The following CALCR variants were observed in gnomAD, a reference collection of about 807,000 sequenced individuals.
CALCR encodes calcitonin receptor.
A neutral mutation model predicts 59.5 loss-of-function variants in CALCR; 47 were observed. The observed-to-expected ratio is 0.79, with a 90% CI of 0.63 to 1.01. CALCR has a LOEUF of 1.01. Among genes scored for constraint, CALCR ranks in the 50% least tolerant of loss-of-function variants. The pLI, the probability that CALCR is intolerant of heterozygous loss-of-function variation, is 0.00. For missense variants in CALCR, 566 were observed against 597.1 expected, an observed-to-expected ratio of 0.95 and a Z score of 0.54; for synonymous variants, 213 against 211.3, an observed-to-expected ratio of 1.01 and a Z score of -0.07.
At chr7:93,456,856 C>A (rs189294745) in intron 8 of CALCR, among the ~76,000 whole-genome samples, 73 of 152,240 alleles carry the variant, frequency 4.8e-4, no homozygotes, top group African/African-American at 1.7e-3. Context: ...CCTCTATACA[C>A]AGAAGAAAGT....
In CALCR at chr7:93,481,384, T is replaced by C. The variant is rs1302265030; in HGVS notation, c.52-1877A>G. On this transcript the variant is annotated intron_variant, in intron 3 of 13. Transcript: ENST00000426151. ...CCTGGCTGGACTAGATCAGTCCATG[T>C]TGGAACAAGAAAGTACCACTCTTAG... Among the ~76,000 whole-genome samples the C allele has an allele frequency of 2.0e-5, 3 of 151,710 alleles. No individual in the cohort carries two copies. The East Asian group carries it at 5.9e-4, about 30-fold the overall frequency.
At chr7:93,446,757 G>A (rs1800013958) in intron 8 of CALCR, among the ~76,000 whole-genome samples, 1 of 151,974 alleles carries the variant, frequency 6.6e-6, no homozygotes, top group Non-Finnish European at 1.5e-5. Context: ...ACTCAGATCA[G>A]ATCAAATAAG....
chr7:93,538,997 A>ATTC (rs1159558651), intron 2 of CALCR, among the ~76,000 whole-genome samples: 1 of 152,118 alleles, frequency 6.6e-6, no homozygotes, highest in Non-Finnish European at 1.5e-5. Flanking sequence ...ATTCCACTCT[A>ATTC]TTCTTCTTCC....
chr7:93,565,942 T>C lies in CALCR; in HGVS notation c.-27+8347A>G, dbSNP rs575012574. Among the ~76,000 whole-genome samples, 5 of 152,334 alleles carry C rather than the reference T, an allele frequency of 3.3e-5. No individual in the cohort carries two copies. The South Asian group carries it at 1.0e-3, about 32-fold the overall frequency. On this transcript the variant is annotated intron_variant, in intron 2 of 13. Transcript: ENST00000426151. Reference sequence around the variant, plus strand: ...TAATTAATGGATGAGTCAAGTCAATTTAAAATTTAAATTTGGCAGCAGTAC... The same window carrying C: ...TAATTAATGGATGAGTCAAGTCAATCTAAAATTTAAATTTGGCAGCAGTAC...
At chr7:93,435,288 T>C (rs1799747401) in intron 12 of CALCR, among the ~76,000 whole-genome samples, 1 of 152,168 alleles carries the variant, frequency 6.6e-6, no homozygotes, top group Non-Finnish European at 1.5e-5. Context: ...ATGGACAGCC[T>C]TGTGCAAATT....
intron 2 of CALCR, among the ~76,000 whole-genome samples, chr7:93,526,061 A>T (rs1801870770): frequency 6.6e-6 from 1 of 152,204 alleles, no homozygotes; most frequent in Non-Finnish European, 1.5e-5. Context: ...ATATTGCAAG[A>T]CTTCTCAATA....
chr7:93,477,577 A>C lies in CALCR; in HGVS notation c.297T>G (p.Phe99Leu). 1 of 1,609,852 alleles carries C rather than the reference A, an allele frequency of 6.2e-7. No homozygotes were observed. The highest frequency in any genetic ancestry group is 8.5e-7 in the Non-Finnish European group (1 of 1,177,134). ...VLSYQFCPDY[F>L]PDFDPSEKVT... The stretch of plus-strand genomic sequence containing the variant: ...CTCTACCTGATGGATCAAAATCCGG[A>C]AAATAATCTGGGCAGAACTGATAGG... The change falls in exon 5 of 14, where the codon TTT becomes TTG. Residue 99 changes from phenylalanine to leucine, a missense_variant. Physicochemically the swap from Phe to Leu is conservative, Grantham distance 22. Transcript: ENST00000426151.
intron 5 of CALCR, among the ~76,000 whole-genome samples, chr7:93,473,583 C>T (rs1045749809): frequency 3.5e-5 from 3 of 85,158 alleles, no homozygotes; most frequent in Non-Finnish European, 6.7e-5. Flanking sequence ...TGGTTTGGCC[C>T]CCCCCCCTTT....
chr7:93,428,786 C>CAAA (rs562182322), intron 13 of CALCR, among the ~76,000 whole-genome samples: 2 of 83,940 alleles, frequency 2.4e-5, no homozygotes, highest in African/African-American at 7.8e-5. Context: ...GACTCCGTCT[C>CAAA]AAAAAAAAAA....
chr7:93,463,628 T>G (rs1399162178), intron 7 of CALCR, among the ~76,000 whole-genome samples: 1 of 152,012 alleles, frequency 6.6e-6, no homozygotes, highest in African/African-American at 2.4e-5. Context: ...GCTCTTGCCT[T>G]CAGGGCCCTT....
At chr7:93,554,793 T>A (rs1282601237) in intron 2 of CALCR, among the ~76,000 whole-genome samples, 1 of 99,002 alleles carries the variant, frequency 1.0e-5, no homozygotes, top group African/African-American at 8.4e-5. Context: ...ATATATATAT[T>A]ATACGTACAT....
At chr7:93,508,523 T>C (rs532510037) in intron 2 of CALCR, among the ~76,000 whole-genome samples, 2 of 152,348 alleles carry the variant, frequency 1.3e-5, no homozygotes, top group Non-Finnish European at 2.9e-5. Flanking sequence ...ATTACCATTG[T>C]TGAACTCTCA....
chr7:93,497,666 A>G (rs1801237496), intron 2 of CALCR, among the ~76,000 whole-genome samples: 1 of 151,588 alleles, frequency 6.6e-6, no homozygotes, highest in South Asian at 2.1e-4. Flanking sequence ...TCCATATCAT[A>G]CTTGTTCAAT....
At chr7:93,462,588 G>A (rs1479570350) in intron 7 of CALCR, among the ~76,000 whole-genome samples, 1 of 152,006 alleles carries the variant, frequency 6.6e-6, no homozygotes, top group African/African-American at 2.4e-5. Flanking sequence ...AGTTAATTAT[G>A]GGATTCATTG....
At chr7:93,441,162 T>A (rs1285529569) in intron 9 of CALCR, among the ~76,000 whole-genome samples, 1 of 152,142 alleles carries the variant, frequency 6.6e-6, no homozygotes, top group Admixed American at 6.6e-5. Context: ...TTGTCTCTGC[T>A]GAATGTCACC....
At chr7:93,496,963 G>A (rs1801217031) in intron 2 of CALCR, among the ~76,000 whole-genome samples, 1 of 151,432 alleles carries the variant, frequency 6.6e-6, no homozygotes, top group African/African-American at 2.4e-5. Context: ...ATTATTACAG[G>A]AACTAACTTG....
intron 2 of CALCR, among the ~76,000 whole-genome samples, chr7:93,521,745 G>C (rs968347481): frequency 6.6e-6 from 1 of 152,088 alleles, no homozygotes; most frequent in African/African-American, 2.4e-5. Flanking sequence ...ATTGCCATAT[G>C]TATTACATAT....
At chr7:93,554,490 T>C (rs1789540516) in intron 2 of CALCR, among the ~76,000 whole-genome samples, 1 of 152,038 alleles carries the variant, frequency 6.6e-6, no homozygotes, top group Non-Finnish European at 1.5e-5. Context: ...AACCCTGTCA[T>C]AATTCATTTC....
At chr7:93,457,305 C>G (rs1409911216) in intron 8 of CALCR, among the ~76,000 whole-genome samples, 1 of 152,114 alleles carries the variant, frequency 6.6e-6, no homozygotes, top group African/African-American at 2.4e-5. Flanking sequence ...AGGACAACCG[C>G]TGGGAAGTGA....
Sources: gnomAD v4.1 joint callset for allele counts (sites outside exome capture counted in the v4.1 genomes callset) on GRCh38, gnomAD v4.1.1 for gene constraint, MANE v1.5 for transcripts, NCBI Gene and HGNC (gene_info 2026-07-23, HGNC 2026-07-21) for gene names.